The following RAB6B variants were observed in gnomAD, a reference collection of about 807,000 sequenced individuals.
RAB6B encodes the protein RAB6B, member RAS oncogene family, also known as ras-related protein Rab-6B.
RAB6B carries 7 observed loss-of-function variants against 31.2 expected under a neutral mutation model. That is an observed-to-expected ratio of 0.22 (90% CI 0.13 to 0.42). RAB6B has a LOEUF of 0.42. Ranked by LOEUF, RAB6B falls within the 10% of genes least tolerant of loss-of-function variation. RAB6B has a pLI of 1.00. For missense variants in RAB6B, 149 were observed against 280.6 expected, an observed-to-expected ratio of 0.53 and a Z score of 3.35; for synonymous variants, 105 against 104.9, an observed-to-expected ratio of 1.00 and a Z score of -0.01.
intron 6 of RAB6B, among the ~76,000 whole-genome samples, chr3:133,837,890 T>C (rs1293593389): frequency 6.6e-6 from 1 of 152,198 alleles, no homozygotes; most frequent in Non-Finnish European, 1.5e-5. Context: ...TGGACACTCT[T>C]AGGGCCTGCT....
intron 2 of RAB6B, among the ~76,000 whole-genome samples, chr3:133,845,538 C>T (rs1197986065): frequency 2.0e-5 from 3 of 152,226 alleles, no homozygotes; most frequent in Admixed American, 6.5e-5. Context: ...ATTGCTTATA[C>T]GTTACCCAGT....
At position 133,826,520 on chromosome 3, in the gene RAB6B, T is replaced by C. The variant is rs1011330887; in HGVS notation, c.*2268A>G. ...AGAGGCCACAGGTGATGGCCCCCGC[T>C]GCCAACCAGGCAGGACACTGTCATG... On this transcript the variant is annotated 3_prime_UTR_variant, in exon 8 of 8. Coordinates refer to ENST00000285208, the MANE Select transcript of RAB6B (RefSeq NM_016577.4). The C allele has an allele frequency of 2.6e-5, 4 of 152,818 alleles. No homozygotes were observed. In the East Asian group the frequency reaches 7.7e-4, roughly 29 times the overall value. 9.5% of individuals were successfully genotyped at this position (152,818 alleles called of 1,614,324 possible). A position where few individuals can be genotyped will look rare whatever the true frequency, so the allele number is the denominator to read the frequency against.
At chr3:133,847,068 G>C (rs1228655314) in intron 2 of RAB6B, among the ~76,000 whole-genome samples, 2 of 152,244 alleles carry the variant, frequency 1.3e-5, no homozygotes, top group African/African-American at 4.8e-5. Context: ...ACTTGTCCTT[G>C]ATTGCGTCCT....
chr3:133,856,374 T>C (rs1309320814), intron 2 of RAB6B, among the ~76,000 whole-genome samples: 1 of 151,444 alleles, frequency 6.6e-6, no homozygotes, highest in Non-Finnish European at 1.5e-5. Context: ...GGCCCATGGG[T>C]TCTCATCTTT....
intron 2 of RAB6B, among the ~76,000 whole-genome samples, chr3:133,858,274 G>T (rs2108000235): frequency 6.6e-6 from 1 of 152,328 alleles, no homozygotes; most frequent in South Asian, 2.1e-4. Flanking sequence ...GAGAAGAAAT[G>T]ACTATAATTA....
At position 133,895,733 on chromosome 3, in the gene RAB6B, G is replaced by A. The variant is rs1026860499; in HGVS notation, c.-267C>T. On this transcript the variant is annotated 5_prime_UTR_variant, in exon 1 of 8. Transcript: ENST00000285208. ...GTCGGCACTGGCTGCGGTGCGAGGG[G>A]CGCGCTCTTTACGCCCGAGGCGCGG... The A allele has an allele frequency of 5.9e-5, 29 of 487,768 alleles. No homozygotes were observed. In the South Asian group the frequency reaches 8.1e-4, roughly 14 times the overall value. The allele number at this position is 487,768 out of a possible 1,614,324, so 30.2% of individuals were successfully genotyped here. A position where few individuals can be genotyped will look rare whatever the true frequency, so the allele number is the denominator to read the frequency against.
rs145379363 is a variant in RAB6B at position 133,869,478 on chromosome 3, G to T, written c.71-4836C>A. 2.5e-3 allele frequency among the ~76,000 whole-genome samples: 381 copies of T among 152,382 alleles called. 3 individuals carry two copies. Among genetic ancestry groups the T allele is most frequent in the African/African-American group, 8.6e-3 (359 of 41,594 alleles). ...TGGAGGAGCATGGATTCTCGCCCAA[G>T]GGCAGTGGGAGCTTCAGAAAGGATC... On this transcript the variant is annotated intron_variant, in intron 1 of 7. Coordinates refer to ENST00000285208, the MANE Select transcript of RAB6B (RefSeq NM_016577.4).
intron 2 of RAB6B, among the ~76,000 whole-genome samples, chr3:133,851,088 T>C (rs1373122328): frequency 3.4e-5 from 5 of 146,804 alleles, no homozygotes; most frequent in Non-Finnish European, 7.5e-5. Context: ...TATGAAGAAA[T>C]AAAAATATTT....
chr3:133,894,860 CTGTT>C, intron 1 of RAB6B: 1 of 154,160 alleles, frequency 6.5e-6, no homozygotes, highest in Non-Finnish European at 1.4e-5. Context: ...TCCCCGGTGG[CTGTT>C]TGTCCCACGC....
At chr3:133,847,492 CTCTT>C (rs1935921922) in intron 2 of RAB6B, among the ~76,000 whole-genome samples, 1 of 152,240 alleles carries the variant, frequency 6.6e-6, no homozygotes, top group African/African-American at 2.4e-5. Flanking sequence ...TCTCTACTCA[CTCTT>C]TCCTTTCATC....
At chr3:133,890,497 C>G (rs548137107) in intron 1 of RAB6B, among the ~76,000 whole-genome samples, 1 of 152,020 alleles carries the variant, frequency 6.6e-6, no homozygotes, top group African/African-American at 2.4e-5. Flanking sequence ...CCCAGCTACT[C>G]GGGAGGCTGA....
In RAB6B at chr3:133,825,835, A is replaced by T. The variant is rs566290177; in HGVS notation, c.*2953T>A. 2 of 152,304 alleles carry T rather than the reference A, an allele frequency of 1.3e-5. No individual in the cohort carries two copies. The highest frequency in any genetic ancestry group is 4.1e-4 in the South Asian group (2 of 4,828). 9.4% of individuals were successfully genotyped at this position (152,304 alleles called of 1,614,324 possible). The stretch of plus-strand genomic sequence containing the variant: ...TCTAGTCTTTGGGGAGAGGGACTGA[A>T]TTGCTCAATTGAGAACATTTCCTCA... On this transcript the variant is annotated 3_prime_UTR_variant, in exon 8 of 8. Coordinates refer to ENST00000285208, the MANE Select transcript of RAB6B (RefSeq NM_016577.4).
intron 1 of RAB6B, among the ~76,000 whole-genome samples, chr3:133,875,260 TCA>T (rs62830660): frequency 0.17 from 24,879 of 147,276 alleles, 2,686 homozygotes; most frequent in African/African-American, 0.32. Flanking sequence ...ATTCATTACT[TCA>T]CAGTTACACG....
chr3:133,837,017 T>C (rs542947534), intron 6 of RAB6B, among the ~76,000 whole-genome samples: 2 of 152,268 alleles, frequency 1.3e-5, no homozygotes, highest in South Asian at 4.1e-4. Context: ...CCAGCAATGC[T>C]GGGGTGGCAG....
At chr3:133,859,993 C>T (rs180890397) in intron 2 of RAB6B, among the ~76,000 whole-genome samples, 50 of 152,238 alleles carry the variant, frequency 3.3e-4, no homozygotes, top group African/African-American at 1.2e-3. Context: ...CTCACCAGGT[C>T]GAGATGCTGG....
Position 133,895,652 on chromosome 3 carries a change from A to C in RAB6B, c.-186T>G, listed in dbSNP as rs568561963. On this transcript the variant is annotated 5_prime_UTR_variant, in exon 1 of 8. Transcript: ENST00000285208. ...CCTGCGGCTGCGTGTCCGGCGGCGG[A>C]GGAGGAGGAGGAGAGAGAGGCGGAG... 1.6e-4 allele frequency: 77 copies of C among 475,674 alleles called. No homozygotes were observed. Among genetic ancestry groups the C allele is most frequent in the South Asian group, 1.1e-3 (38 of 35,196 alleles). 29.5% of individuals were successfully genotyped at this position (475,674 alleles called of 1,614,324 possible).
chr3:133,887,100 TC>T (rs1412245332), intron 1 of RAB6B, among the ~76,000 whole-genome samples: 1 of 152,112 alleles, frequency 6.6e-6, no homozygotes, highest in Non-Finnish European at 1.5e-5. Flanking sequence ...CCCTCTTGGC[TC>T]TGTCCTTTCC....
At position 133,843,459 on chromosome 3, in the gene RAB6B, T is replaced by C. The variant is rs79951982; in HGVS notation, c.130-1796A>G. Among the ~76,000 whole-genome samples, 295 of 152,294 alleles carry C rather than the reference T, an allele frequency of 1.9e-3. 2 individuals are homozygous for C. The highest frequency in any genetic ancestry group is 4.6e-3 in the Admixed American group (71 of 15,300). On this transcript the variant is annotated intron_variant, in intron 2 of 7. Coordinates refer to ENST00000285208, the MANE Select transcript of RAB6B (RefSeq NM_016577.4). Reference sequence around the variant, plus strand: ...GACAATCCTTGTCTTCTGATTCCCTTATGGAGAAATGTGCATAGCAGGTAG... The same window carrying C: ...GACAATCCTTGTCTTCTGATTCCCTCATGGAGAAATGTGCATAGCAGGTAG...
intron 6 of RAB6B, 50 bp downstream of exon 6, chr3:133,838,116 C>T: frequency 6.5e-7 from 1 of 1,543,360 alleles, no homozygotes. Context: ...GACCACAGGG[C>T]TACACCGTGC....
Sources: allele counts gnomAD v4.1 joint callset (sites outside exome capture counted in the v4.1 genomes callset), GRCh38; gene constraint gnomAD v4.1.1; transcripts MANE v1.5; gene names NCBI Gene and HGNC (gene_info 2026-07-23, HGNC 2026-07-21).